The following TMEM132C variants were observed in gnomAD, a reference collection of about 807,000 sequenced individuals.
TMEM132C encodes the protein transmembrane protein 132C, also known as protein phosphatase 1, regulatory subunit 152.
In TMEM132C, 29 loss-of-function variants were observed where a neutral mutation model predicts 61.4. That is an observed-to-expected ratio of 0.47 (90% confidence interval 0.35 to 0.64). The LOEUF (loss-of-function observed/expected upper bound fraction) is 0.64, where lower values mean the gene tolerates loss of function less well. TMEM132C is among the 30% of genes least tolerant of loss of function. TMEM132C has a pLI of 0.00. For missense variants in TMEM132C, 1,408 were observed against 1,476.9 expected, an observed-to-expected ratio of 0.95 and a Z score of 0.76; for synonymous variants, 656 against 633.1, an observed-to-expected ratio of 1.04 and a Z score of -0.54.
At chr12:128,566,533 T>C (rs907982119) in intron 3 of TMEM132C, among the ~76,000 whole-genome samples, 3 of 152,206 alleles carry the variant, frequency 2.0e-5, no homozygotes, top group African/African-American at 7.2e-5. Context: ...GAGGGAAAGA[T>C]CCTGGCTGTT....
intron 2 of TMEM132C, among the ~76,000 whole-genome samples, chr12:128,446,825 G>A (rs1364535948): frequency 1.3e-5 from 2 of 152,188 alleles, no homozygotes; most frequent in African/African-American, 2.4e-5. Context: ...TGCCTCTGGG[G>A]ACTGATTGCT....
At chr12:128,287,294 A>C (rs1304645513) in intron 1 of TMEM132C, among the ~76,000 whole-genome samples, 1 of 152,238 alleles carries the variant, frequency 6.6e-6, no homozygotes, top group Admixed American at 6.5e-5. Context: ...TACTTCCTGC[A>C]TCAAAATATT....
chr12:128,291,804 C>T (rs1163697818), intron 1 of TMEM132C, among the ~76,000 whole-genome samples: 1 of 152,218 alleles, frequency 6.6e-6, no homozygotes, highest in Non-Finnish European at 1.5e-5. Flanking sequence ...CTGTCTGAGG[C>T]AGTGGCAGAA....
At chr12:128,504,465 T>C (rs1840829355) in intron 2 of TMEM132C, among the ~76,000 whole-genome samples, 1 of 152,194 alleles carries the variant, frequency 6.6e-6, no homozygotes, top group Admixed American at 6.5e-5. Context: ...CAGCTCAGGC[T>C]GCCATAAGAT....
chr12:128,413,925 A>G (rs1868659431), intron 1 of TMEM132C, among the ~76,000 whole-genome samples: 1 of 152,188 alleles, frequency 6.6e-6, no homozygotes, highest in African/African-American at 2.4e-5. Context: ...CTCTTCCTAA[A>G]CCCAGGTTAT....
chr12:128,636,529 T>C (rs1423277146), intron 4 of TMEM132C, among the ~76,000 whole-genome samples: 2 of 151,654 alleles, frequency 1.3e-5, no homozygotes, highest in African/African-American at 4.9e-5. Context: ...TGTCCTTTTG[T>C]GGGTTTTGTT....
At chr12:128,405,389 C>T (rs1191225654) in intron 1 of TMEM132C, among the ~76,000 whole-genome samples, 2 of 152,096 alleles carry the variant, frequency 1.3e-5, no homozygotes, top group African/African-American at 4.8e-5. Flanking sequence ...GTCGAGGAGT[C>T]GTTCATGTGG....
At chr12:128,564,584 A>G (rs1011605763) in intron 3 of TMEM132C, among the ~76,000 whole-genome samples, 1 of 152,222 alleles carries the variant, frequency 6.6e-6, no homozygotes, top group Non-Finnish European at 1.5e-5. Flanking sequence ...GATGGGTCCC[A>G]TATTCCAGAA....
chr12:128,471,135 G>A (rs779819412), intron 2 of TMEM132C, among the ~76,000 whole-genome samples: 2 of 152,100 alleles, frequency 1.3e-5, no homozygotes, highest in African/African-American at 2.4e-5. Flanking sequence ...AAGCATCCCC[G>A]CTTTGATCTG....
chr12:128,655,581 T>A (rs1954317954), intron 4 of TMEM132C, among the ~76,000 whole-genome samples: 2 of 151,810 alleles, frequency 1.3e-5, no homozygotes, highest in Non-Finnish European at 2.9e-5. Flanking sequence ...TGAAGCGCCC[T>A]TTTGGAGTAA....
chr12:128,290,346 G>A (rs1368010106), intron 1 of TMEM132C, among the ~76,000 whole-genome samples: 1 of 152,136 alleles, frequency 6.6e-6, no homozygotes, highest in Non-Finnish European at 1.5e-5. Flanking sequence ...AGGAGAGAGA[G>A]AGAGTGAAGG....
chr12:128,432,583 C>G (rs1869428352), intron 2 of TMEM132C, among the ~76,000 whole-genome samples: 1 of 152,014 alleles, frequency 6.6e-6, no homozygotes, highest in Non-Finnish European at 1.5e-5. Context: ...AGAAGTGGAG[C>G]CTGAAGATGT....
At chr12:128,398,131 T>C (rs1436974081) in intron 1 of TMEM132C, among the ~76,000 whole-genome samples, 4 of 152,220 alleles carry the variant, frequency 2.6e-5, no homozygotes, top group East Asian at 3.8e-4. Context: ...CAGTTAAGAA[T>C]GACAAGAAGG....
Position 128,364,201 on chromosome 12 carries a change from A to C in TMEM132C, c.86-50531A>C, listed in dbSNP as rs537117321. On this transcript the variant is annotated intron_variant, in intron 1 of 8. Transcript: ENST00000435159. ...AGTTAGAACAAGTTCGCAACATTAA[A>C]ACATCAGATTCTCTCTCTCTCTGTT... is the stretch of plus-strand genomic sequence containing the variant. Among the ~76,000 whole-genome samples the C allele has an allele frequency of 2.0e-5, 3 of 150,952 alleles. No homozygotes were observed. The South Asian group carries it at 6.2e-4, about 31-fold the overall frequency.
At chr12:128,298,999 G>A (rs138704118) in intron 1 of TMEM132C, among the ~76,000 whole-genome samples, 1 of 152,248 alleles carries the variant, frequency 6.6e-6, no homozygotes, top group African/African-American at 2.4e-5. Context: ...TACAGTGTTG[G>A]TATTTAACGC....
chr12:128,601,143 A>G (rs1250977563), intron 3 of TMEM132C, among the ~76,000 whole-genome samples: 1 of 152,184 alleles, frequency 6.6e-6, no homozygotes, highest in African/African-American at 2.4e-5. Context: ...AAGGTCTCCA[A>G]TGAGCTCTGC....
intron 1 of TMEM132C, among the ~76,000 whole-genome samples, chr12:128,351,182 T>C (rs371501279): frequency 2.2e-4 from 33 of 152,086 alleles, no homozygotes; most frequent in African/African-American, 7.0e-4. Context: ...TTGAATTCAA[T>C]GGGAAGCTGT....
chr12:128,472,965 TG>T (rs1372159569), intron 2 of TMEM132C, among the ~76,000 whole-genome samples: 6 of 152,216 alleles, frequency 3.9e-5, no homozygotes, highest in Non-Finnish European at 5.9e-5. Context: ...AATGTTGATT[TG>T]GGGCTTCTAG....
intron 2 of TMEM132C, among the ~76,000 whole-genome samples, chr12:128,532,316 A>G (rs1873340999): frequency 6.6e-6 from 1 of 152,026 alleles, no homozygotes; most frequent in South Asian, 2.1e-4. Flanking sequence ...AATAATAAAA[A>G]CTTTAGACAA....
Sources: allele counts gnomAD v4.1 joint callset (sites outside exome capture counted in the v4.1 genomes callset), GRCh38; gene constraint gnomAD v4.1.1; transcripts MANE v1.5; gene names NCBI Gene and HGNC (gene_info 2026-07-23, HGNC 2026-07-21).